TTC7B: variants seen among roughly 807,000 people sequenced by gnomAD.
TTC7B encodes the protein tetratricopeptide repeat protein 7B.
A neutral mutation model predicts 106.8 loss-of-function variants in TTC7B; 28 were observed. The observed-to-expected ratio is 0.26, with a 90% CI of 0.19 to 0.36. The LOEUF is 0.36. TTC7B is among the 10% of genes least tolerant of loss of function. The probability of loss-of-function intolerance (pLI) is 1.00; values close to 1 mark genes in which losing one functional copy is unlikely to be tolerated. For synonymous variants in TTC7B, 405 were observed against 430.6 expected (o/e 0.94, Z 0.74); for missense variants, 862 against 1,076.4 (o/e 0.80, Z 2.79).
intron 19 of TTC7B, among the ~76,000 whole-genome samples, chr14:90,550,661 A>AG (rs556034460): frequency 1.1e-3 from 168 of 152,084 alleles, no homozygotes; most frequent in African/African-American, 3.9e-3. Flanking sequence ...CTCCGAGAGG[A>AG]GGGGGGGCCC....
intron 5 of TTC7B, among the ~76,000 whole-genome samples, chr14:90,719,279 A>T (rs1407519362): frequency 6.6e-6 from 1 of 152,172 alleles, no homozygotes; most frequent in Non-Finnish European, 1.5e-5. Context: ...GCCTCAAAAA[A>T]ACAAACAAAA....
chr14:90,570,485 T>A lies in TTC7B; in HGVS notation c.2310+7621A>T, dbSNP rs1457323563. 6.6e-6 allele frequency among the ~76,000 whole-genome samples: 1 copy of A among 152,070 alleles called. No individual in the cohort carries two copies. The highest frequency in any genetic ancestry group is 1.9e-4 in the East Asian group (1 of 5,182). On this transcript the variant is annotated intron_variant, in intron 19 of 19. Coordinates refer to ENST00000328459, the MANE Select transcript of TTC7B (RefSeq NM_001010854.2). The surrounding 1 kb of genome is among the most constrained non-coding windows in gnomAD (Gnocchi z 4.0). ...AAATCACCCCAGGGGCCTCCACCAA[T>A]GCACTCTCCCACCCTTTTCCACCTC...
chr14:90,749,402 C>CTT (rs3085716), intron 3 of TTC7B, among the ~76,000 whole-genome samples: 57 of 117,176 alleles, frequency 4.9e-4, no homozygotes, highest in African/African-American at 1.6e-3. Context: ...AATAATTTTT[C>CTT]TTTTTTTTTT....
intron 18 of TTC7B, among the ~76,000 whole-genome samples, chr14:90,585,320 G>A (rs950813765): frequency 2.6e-5 from 4 of 152,206 alleles, no homozygotes; most frequent in Admixed American, 6.5e-5. Flanking sequence ...AGTGACAGGC[G>A]CTAGCCCTTC....
chr14:90,620,116 T>C (rs1893247304), intron 15 of TTC7B, among the ~76,000 whole-genome samples: 1 of 151,986 alleles, frequency 6.6e-6, no homozygotes, highest in Non-Finnish European at 1.5e-5. Flanking sequence ...GGTGCGGTGC[T>C]CCCAGTGGGG....
chr14:90,765,016 A>G (rs1379815876), intron 3 of TTC7B, among the ~76,000 whole-genome samples: 1 of 152,236 alleles, frequency 6.6e-6, no homozygotes, highest in Non-Finnish European at 1.5e-5. Context: ...ACAAATGTTC[A>G]TAGCAGCATT....
At chr14:90,739,175 G>A (rs1488457497) in intron 4 of TTC7B, among the ~76,000 whole-genome samples, 4 of 152,206 alleles carry the variant, frequency 2.6e-5, no homozygotes, top group Admixed American at 2.6e-4. Context: ...AGTCAGAAGT[G>A]CCTAGAGCAG....
chr14:90,620,486 G>A (rs1364119985), intron 15 of TTC7B, among the ~76,000 whole-genome samples: 6 of 152,206 alleles, frequency 3.9e-5, no homozygotes, highest in Non-Finnish European at 8.8e-5. Flanking sequence ...ACAAAGGAAG[G>A]AGAAGCTGCC....
intron 19 of TTC7B, among the ~76,000 whole-genome samples, chr14:90,561,503 G>A (rs959931653): frequency 3.3e-5 from 5 of 152,186 alleles, no homozygotes; most frequent in Admixed American, 1.3e-4. Context: ...CCAAGGTGCG[G>A]CATTTGTTGT....
At chr14:90,708,325 T>G (rs998196524) in intron 5 of TTC7B, among the ~76,000 whole-genome samples, 1 of 152,188 alleles carries the variant, frequency 6.6e-6, no homozygotes, top group African/African-American at 2.4e-5. Flanking sequence ...TCTACGACTT[T>G]CGTAGCTACA....
chr14:90,544,647 C>T (rs1441217061), intron 19 of TTC7B, among the ~76,000 whole-genome samples: 1 of 152,222 alleles, frequency 6.6e-6, no homozygotes, highest in African/African-American at 2.4e-5. Context: ...TGCCCCCTTT[C>T]TTTGAGGGGA....
intron 18 of TTC7B, among the ~76,000 whole-genome samples, chr14:90,592,942 C>T (rs375301952): frequency 2.0e-5 from 3 of 152,100 alleles, no homozygotes; most frequent in Admixed American, 1.3e-4. Context: ...CAGCCCCTTC[C>T]CTGGCTTTAT....
intron 3 of TTC7B, chr14:90,772,605 T>C (rs1890900869): frequency 6.6e-6 from 1 of 152,206 alleles, no homozygotes; most frequent in African/African-American, 2.4e-5. Flanking sequence ...AGATGGGTAA[T>C]GGATATCTTT....
At chr14:90,756,384 GTTTTTTTTTT>G (rs369068692) in intron 3 of TTC7B, among the ~76,000 whole-genome samples, 6 of 126,824 alleles carry the variant, frequency 4.7e-5, no homozygotes, top group East Asian at 2.3e-4. Context: ...TTTTTTTTTT[GTTTTTTTTTT>G]TTGTTTTTTT....
chr14:90,782,424 C>A (rs1299493413), intron 2 of TTC7B, among the ~76,000 whole-genome samples: 1 of 152,132 alleles, frequency 6.6e-6, no homozygotes, highest in African/African-American at 2.4e-5. Context: ...CATGGTGAAA[C>A]CCCATCTCTA....
rs1294563 is a variant in TTC7B at position 90,537,876 on chromosome 14, A to G, written c.*3492T>C. 0.73 allele frequency: 110,812 copies of G among 152,096 alleles called. 40,609 individuals carry two copies. Among genetic ancestry groups the G allele is most frequent in the South Asian group, 0.78 (3,759 of 4,824 alleles). The allele number at this position is 152,096 out of a possible 1,614,324, so 9.4% of individuals were successfully genotyped here. ...TAAGTGGATGCAGCATCTGTGTCAC[A>G]CATTGCTGTGCCCTCAGTGCCTGGA... On this transcript the variant is annotated 3_prime_UTR_variant, in exon 20 of 20. Transcript: ENST00000328459.
chr14:90,794,618 T>A (rs2140049475), intron 1 of TTC7B, among the ~76,000 whole-genome samples: 1 of 152,214 alleles, frequency 6.6e-6, no homozygotes, highest in African/African-American at 2.4e-5. Flanking sequence ...GGCAGGTAGG[T>A]ATCGGCTCCT....
intron 19 of TTC7B, among the ~76,000 whole-genome samples, chr14:90,569,355 T>C (rs967522392): frequency 1.3e-5 from 2 of 152,118 alleles, no homozygotes; most frequent in African/African-American, 2.4e-5. Flanking sequence ...GGAACCGCCA[T>C]ATGCAGGGCT....
At position 90,805,430 on chromosome 14, in the gene TTC7B, A is replaced by AT. The variant is rs2030549222; in HGVS notation, c.121+10744dup. On this transcript the variant is annotated intron_variant, in intron 1 of 19. Transcript: ENST00000328459. This position sits in a 1 kb window ranked among gnomAD's most constrained non-coding sequence, Gnocchi z 4.0. ...AGGCGTGTACCACAATGCCCGGCTAATTTTTTTGTACTTTTAGTAGAGACA... is the reference window on the plus strand; with the variant it reads ...AGGCGTGTACCACAATGCCCGGCTAATTTTTTTTGTACTTTTAGTAGAGACA... 6.6e-6 allele frequency among the ~76,000 whole-genome samples: 1 copy of AT among 152,034 alleles called. No individual in the cohort carries two copies. The highest frequency in any genetic ancestry group is 1.5e-5 in the Non-Finnish European group (1 of 68,006).
Sources: gnomAD v4.1 joint callset for allele counts (sites outside exome capture counted in the v4.1 genomes callset) on GRCh38, gnomAD v4.1.1 for gene constraint, Gnocchi (gnomAD v3.1) non-coding constraint, MANE v1.5 for transcripts, NCBI Gene and HGNC (gene_info 2026-07-23, HGNC 2026-07-21) for gene names.